Variants in PRMT7 observed in about 807,000 individuals in gnomAD.
PRMT7 encodes protein arginine N-methyltransferase 7.
PRMT7 carries 75 observed loss-of-function variants against 85.4 expected under a neutral mutation model. That is an observed-to-expected ratio of 0.88 (90% CI 0.73 to 1.06). The LOEUF is 1.06. Ranked by LOEUF, PRMT7 falls within the 50% of genes least tolerant of loss-of-function variation. PRMT7 has a pLI of 0.00. For missense variants in PRMT7, 868 were observed against 915.2 expected (o/e 0.95, Z 0.67); for synonymous variants, 397 against 359.5 (o/e 1.10, Z -1.18).
Position 68,315,904 on chromosome 16 carries a change from A to G in PRMT7, c.-76A>G. 2.5e-6 allele frequency: 3 copies of G among 1,191,014 alleles called. No individual in the cohort carries two copies. The highest frequency in any genetic ancestry group is 1.3e-5 in the South Asian group (1 of 79,578). The allele number at this position is 1,191,014 out of a possible 1,614,324, so 73.8% of individuals were successfully genotyped here. On this transcript the variant is annotated 5_prime_UTR_variant, in exon 3 of 19. Transcript: ENST00000441236. ...TCCTTCTGATGTTAATAGATTTCTG[A>G]CAGTCAGACTTGTCCACAAGAACTC...
chr16:68,317,231 C>CT (rs1311740908), intron 3 of PRMT7, among the ~76,000 whole-genome samples: 300 of 84,792 alleles, frequency 3.5e-3, no homozygotes, highest in African/African-American at 0.017. Flanking sequence ...GAGTGAGACT[C>CT]TGTCTCAAAA....
rs74024625 is a variant in PRMT7 at position 68,345,405 on chromosome 16, G to C, written c.928-270G>C. 9.0e-3 allele frequency among the ~76,000 whole-genome samples: 1,365 copies of C among 152,314 alleles called. 23 individuals carry two copies. The highest frequency in any genetic ancestry group is 0.031 in the African/African-American group (1,295 of 41,558). ...TGCTACTCTGATGGGGTGGGGACTGGAGCCTGCACTTGTCCCCTCCCCTGA... is the reference window on the plus strand; with the variant it reads ...TGCTACTCTGATGGGGTGGGGACTGCAGCCTGCACTTGTCCCCTCCCCTGA... On this transcript the variant is annotated intron_variant, in intron 9 of 18. Coordinates refer to ENST00000441236, the MANE Select transcript of PRMT7 (RefSeq NM_019023.5).
In PRMT7 at chr16:68,355,804, T is replaced by C. The variant is rs568991700; in HGVS notation, c.1732T>C (p.Trp578Arg). 6.2e-7 allele frequency: 1 copy of C among 1,611,660 alleles called. No homozygotes were observed. Among genetic ancestry groups the C allele is most frequent in the South Asian group, 1.1e-5 (1 of 90,906 alleles). ...EYPCRSLSEP[W>R]QILTFDFQQP... Reference sequence around the variant, plus strand: ...CCCATGCCGCAGCCTCTCCGAGCCCTGGCAGATCCTGACCTTTGACTTCCA... The same window carrying C: ...CCCATGCCGCAGCCTCTCCGAGCCCCGGCAGATCCTGACCTTTGACTTCCA... Residue 578 changes from tryptophan to arginine, a missense_variant, in exon 17 of 19, where the codon TGG (tryptophan) becomes CGG (arginine). Physicochemically the swap from Trp to Arg is moderately radical, Grantham distance 101 (BLOSUM62 -3). Coordinates refer to ENST00000441236, the MANE Select transcript of PRMT7 (RefSeq NM_019023.5).
chr16:68,318,241 C>T (rs2082099933), intron 3 of PRMT7, among the ~76,000 whole-genome samples: 1 of 149,588 alleles, frequency 6.7e-6, no homozygotes, highest in Admixed American at 6.7e-5. Flanking sequence ...GCTCTGTTTC[C>T]CAGGCTAAAG....
rs780319886 is a variant in PRMT7 at position 68,315,941 on chromosome 16, C to T, written c.-39C>T. 1.3e-6 allele frequency: 2 copies of T among 1,569,348 alleles called. No individual in the cohort carries two copies. Among genetic ancestry groups the T allele is most frequent in the African/African-American group, 2.7e-5 (2 of 74,184 alleles). Reference sequence around the variant, plus strand: ...GTCCACAAGAACTCAACTGGCAAGGCTGCTTTTCTGTGCTAAAACTGGGGA... The same window carrying T: ...GTCCACAAGAACTCAACTGGCAAGGTTGCTTTTCTGTGCTAAAACTGGGGA... On this transcript the variant is annotated 5_prime_UTR_variant, in exon 3 of 19. Transcript: ENST00000441236.
At chr16:68,337,975 G>A (rs1265718464) in intron 7 of PRMT7, among the ~76,000 whole-genome samples, 1 of 152,162 alleles carries the variant, frequency 6.6e-6, no homozygotes, top group East Asian at 1.9e-4. Context: ...TTTGTGCTGT[G>A]TGGGAGGCAG....
In PRMT7 at chr16:68,339,782, C is replaced by G. The variant is rs1328582268; in HGVS notation, c.747-6C>G. 2 of 1,611,902 alleles carry G rather than the reference C, an allele frequency of 1.2e-6. No homozygotes were observed. The highest frequency in any genetic ancestry group is 2.7e-5 in the African/African-American group (2 of 74,858). ...TCTGCTTACATTCTTGAATATTATTCCTCAGCATAGACTTCAGCAAGCAAG... is the reference window on the plus strand; with the variant it reads ...TCTGCTTACATTCTTGAATATTATTGCTCAGCATAGACTTCAGCAAGCAAG... On this transcript the variant is annotated splice_region_variant and splice_polypyrimidine_tract_variant and intron_variant, in intron 8 of 18. Coordinates refer to ENST00000441236, the MANE Select transcript of PRMT7 (RefSeq NM_019023.5).
At chr16:68,344,932 C>CTACACACACACACACACACA (rs142386682) in intron 9 of PRMT7, among the ~76,000 whole-genome samples, 139 of 106,640 alleles carry the variant, frequency 1.3e-3, no homozygotes, top group Middle Eastern at 4.7e-3. Flanking sequence ...TCCTGCATCT[C>CTACACACACACACACACACA]TACACACACA....
intron 1 of PRMT7, 33 bp downstream of exon 1, chr16:68,311,132 C>T: frequency 3.0e-6 from 2 of 677,828 alleles, no homozygotes; most frequent in Non-Finnish European, 5.4e-6. Flanking sequence ...AAGGTGGGGT[C>T]GCTTTGGGGT....
chr16:68,347,369 T>C (rs1406651677), intron 12 of PRMT7, 75 bp downstream of exon 12: 3 of 1,408,126 alleles, frequency 2.1e-6, no homozygotes, highest in African/African-American at 1.4e-5. Context: ...GGGTGCACAA[T>C]TCTGTGATCA....
At chr16:68,322,303 G>C (rs964718053) in intron 4 of PRMT7, 2 of 381,938 alleles carry the variant, frequency 5.2e-6, no homozygotes, top group Non-Finnish European at 1.1e-5. Context: ...GGGCTTAAGC[G>C]ATCCCCCAAC....
intron 9 of PRMT7, among the ~76,000 whole-genome samples, chr16:68,344,761 A>G (rs2086060352): frequency 6.6e-6 from 1 of 152,224 alleles, no homozygotes; most frequent in African/African-American, 2.4e-5. Flanking sequence ...TAATTCAAAG[A>G]ATAAGCCAAA....
intron 5 of PRMT7, among the ~76,000 whole-genome samples, chr16:68,326,528 G>T (rs533600518): frequency 6.6e-6 from 1 of 152,202 alleles, no homozygotes; most frequent in Admixed American, 6.5e-5. Context: ...TTACAGGTGT[G>T]AATCACTGCG....
At chr16:68,313,680 T>C (rs2044279811) in intron 2 of PRMT7, among the ~76,000 whole-genome samples, 1 of 152,220 alleles carries the variant, frequency 6.6e-6, no homozygotes. Context: ...GTTCTAGATA[T>C]TCTGTCTGTA....
chr16:68,335,352 A>G (rs1243995899), intron 6 of PRMT7, among the ~76,000 whole-genome samples: 1 of 98,842 alleles, frequency 1.0e-5, no homozygotes, highest in African/African-American at 4.0e-5. Context: ...TTCCTGGACT[A>G]TGTGACTCAT....
At chr16:68,326,509 G>T (rs1348451136) in intron 5 of PRMT7, among the ~76,000 whole-genome samples, 4 of 152,200 alleles carry the variant, frequency 2.6e-5, no homozygotes, top group Non-Finnish European at 5.9e-5. Flanking sequence ...GCCTCCCAAA[G>T]TGTTGGGATT....
chr16:68,325,156 G>C (rs1004812233), intron 5 of PRMT7, among the ~76,000 whole-genome samples: 6 of 151,872 alleles, frequency 4.0e-5, no homozygotes, highest in Admixed American at 3.9e-4. Flanking sequence ...CCAGGAGTTT[G>C]AGACCAGCCT....
At chr16:68,314,852 G>A (rs901036344) in intron 2 of PRMT7, among the ~76,000 whole-genome samples, 3 of 152,250 alleles carry the variant, frequency 2.0e-5, no homozygotes, top group Non-Finnish European at 2.9e-5. Context: ...CATACAAGAC[G>A]TGAATCTGGT....
At chr16:68,345,828 G>C in intron 10 of PRMT7, 26 bp downstream of exon 10, 3 of 1,613,162 alleles carry the variant, frequency 1.9e-6, no homozygotes, top group Non-Finnish European at 2.5e-6. Flanking sequence ...TGGGGGTGGA[G>C]GATGAGCCTC....
Sources: allele counts gnomAD v4.1 joint callset (sites outside exome capture counted in the v4.1 genomes callset), GRCh38; gene constraint gnomAD v4.1.1; transcripts MANE v1.5; gene names NCBI Gene and HGNC (gene_info 2026-07-23, HGNC 2026-07-21).